NUP205: variants seen among roughly 807,000 people sequenced by gnomAD.
The protein encoded by NUP205 is nuclear pore complex protein Nup205.
NUP205 carries 76 observed loss-of-function variants against 253.8 expected under a neutral mutation model. That is an observed-to-expected ratio of 0.30 (90% CI 0.25 to 0.36). The LOEUF (loss-of-function observed/expected upper bound fraction) is 0.36. Among genes scored for constraint, NUP205 ranks in the 10% least tolerant of loss-of-function variants. The pLI is 1.00. For missense variants in NUP205, 2,162 were observed against 2,425.5 expected, an observed-to-expected ratio of 0.89 and a Z score of 2.28; for synonymous variants, 832 against 850.1, an observed-to-expected ratio of 0.98 and a Z score of 0.37.
intron 18 of NUP205, among the ~76,000 whole-genome samples, 196 bp from the exon 19 acceptor site, chr7:135,604,144 A>T (rs1475658440): frequency 6.6e-6 from 1 of 152,222 alleles, no homozygotes; most frequent in Non-Finnish European, 1.5e-5. Flanking sequence ...GCCAGACTTC[A>T]CATAAGGATT....
intron 1 of NUP205, among the ~76,000 whole-genome samples, chr7:135,570,046 T>TAGAGAGAG (rs1343013772): frequency 9.8e-6 from 1 of 102,386 alleles, no homozygotes; most frequent in African/African-American, 3.3e-5. Context: ...TATATATATA[T>TAGAGAGAG]ATATATAGAG....
chr7:135,620,996 C>T (rs1461499619), intron 30 of NUP205, among the ~76,000 whole-genome samples: 1 of 152,188 alleles, frequency 6.6e-6, no homozygotes, highest in Non-Finnish European at 1.5e-5. Flanking sequence ...ATTTGATGTT[C>T]AATCAAGTTA....
In NUP205 at chr7:135,625,361, G is replaced by A. The variant is rs764496470; in HGVS notation, c.4671+6G>A. On this transcript the variant is annotated splice_donor_region_variant and intron_variant, in intron 32 of 42. Transcript: ENST00000285968. ...ATACTTATGAATCTAAAATGGTAAGGCTTTCTAGACATTTGATGTTAGATC... is the reference window on the plus strand; with the variant it reads ...ATACTTATGAATCTAAAATGGTAAGACTTTCTAGACATTTGATGTTAGATC... The A allele has an allele frequency of 2.6e-6, 4 of 1,568,062 alleles. No individual in the cohort carries two copies. The East Asian group carries it at 9.1e-5, about 36-fold the overall frequency.
At chr7:135,565,232 G>T (rs780371518) in intron 1 of NUP205, among the ~76,000 whole-genome samples, 14 of 152,268 alleles carry the variant, frequency 9.2e-5, no homozygotes, top group Non-Finnish European at 1.8e-4. Context: ...AAATGAGGGA[G>T]AGAAAATTAA....
chr7:135,563,681 A>C lies in NUP205; in HGVS notation c.28+5709A>C, dbSNP rs186312097. 3.4e-3 allele frequency among the ~76,000 whole-genome samples: 518 copies of C among 152,188 alleles called. 5 individuals are homozygous for C. The highest frequency in any genetic ancestry group is 0.012 in the African/African-American group (487 of 41,480). On this transcript the variant is annotated intron_variant, in intron 1 of 42. Transcript: ENST00000285968. The stretch of plus-strand genomic sequence containing the variant: ...AATACATATTTAGTAATTTTGAAAA[A>C]TTTATAGTGTCCCTTCATTTGTAAT...
intron 1 of NUP205, among the ~76,000 whole-genome samples, chr7:135,558,931 A>C (rs1327581022): frequency 1.3e-5 from 2 of 152,186 alleles, no homozygotes; most frequent in Non-Finnish European, 1.5e-5. Context: ...TATTCTTGAA[A>C]AGTTGTCTAA....
At chr7:135,562,013 G>A (rs1805596752) in intron 1 of NUP205, among the ~76,000 whole-genome samples, 1 of 151,590 alleles carries the variant, frequency 6.6e-6, no homozygotes, top group Non-Finnish European at 1.5e-5. Context: ...CACCTCCCAA[G>A]TTTAAATGAT....
intron 22 of NUP205, among the ~76,000 whole-genome samples, chr7:135,612,677 G>A (rs979877393): frequency 5.3e-5 from 8 of 152,258 alleles, no homozygotes; most frequent in Middle Eastern, 3.4e-3. Context: ...CTGTTCTCCC[G>A]CGCATGAAGG....
intron 42 of NUP205, 35 bp from the exon 43 acceptor site, chr7:135,648,369 C>G (rs377440958): frequency 1.4e-4 from 203 of 1,494,258 alleles, no homozygotes; most frequent in Middle Eastern, 3.6e-4. Flanking sequence ...TTTGAGACAA[C>G]AATTTTAACA....
intron 41 of NUP205, chr7:135,645,805 C>T: frequency 3.4e-6 from 2 of 590,804 alleles, no homozygotes; most frequent in Non-Finnish European, 5.9e-6. Flanking sequence ...CTAGAGCCTG[C>T]TCATCAGCTG....
In NUP205 at chr7:135,647,508, G is replaced by A. The variant is rs4346944; in HGVS notation, c.5887-896G>A. On this transcript the variant is annotated intron_variant, in intron 42 of 42. Coordinates refer to ENST00000285968, the MANE Select transcript of NUP205 (RefSeq NM_015135.3). Reference sequence around the variant, plus strand: ...AAAATTAGCCAAAGAAGATTATTCAGAAGTTTGTTTGTTTGTTTGTTTTGT... The same window carrying A: ...AAAATTAGCCAAAGAAGATTATTCAAAAGTTTGTTTGTTTGTTTGTTTTGT... 2.0e-5 allele frequency among the ~76,000 whole-genome samples: 3 copies of A among 152,120 alleles called. No homozygotes were observed. In the East Asian group the frequency reaches 5.8e-4, roughly 29 times the overall value.
chr7:135,617,048 C>G (rs1191451451), intron 25 of NUP205, 42 bp from the exon 26 acceptor site: 1 of 1,467,192 alleles, frequency 6.8e-7, no homozygotes, highest in African/African-American at 1.4e-5. Flanking sequence ...CCTTTCTTTT[C>G]AATGTCCCAA....
intron 22 of NUP205, among the ~76,000 whole-genome samples, chr7:135,608,519 G>A (rs1794137753): frequency 6.6e-6 from 1 of 151,264 alleles, no homozygotes; most frequent in Admixed American, 6.6e-5. Context: ...ACCAGCCGGG[G>A]AAACATGGCA....
At chr7:135,572,130 A>G (rs1046569269) in intron 2 of NUP205, among the ~76,000 whole-genome samples, 2 of 152,064 alleles carry the variant, frequency 1.3e-5, no homozygotes, top group African/African-American at 4.8e-5. Context: ...AAGTGTTGGG[A>G]TTATAGACGT....
intron 31 of NUP205, 103 bp from the exon 32 acceptor site, chr7:135,625,061 A>G: frequency 1.0e-6 from 1 of 977,658 alleles, no homozygotes; most frequent in Non-Finnish European, 1.5e-6. Context: ...TCTTTATGAA[A>G]AACATTCTTC....
chr7:135,637,785 A>C lies in NUP205; in HGVS notation c.5137-146A>C, dbSNP rs145681219. 3 of 605,324 alleles carry C rather than the reference A, an allele frequency of 5.0e-6. No homozygotes were observed. The African/African-American group carries it at 5.8e-5, about 12-fold the overall frequency. The allele number at this position is 605,324 out of a possible 1,614,324, so 37.5% of individuals were successfully genotyped here. On this transcript the variant is annotated intron_variant, in intron 36 of 42. Transcript: ENST00000285968. ...CAAAAAGTTGAATTTTAATAATGCT[A>C]CTTTTAGTTGGCTCAGTTTTAAGTA...
intron 1 of NUP205, among the ~76,000 whole-genome samples, chr7:135,567,425 CAAAA>C (rs760535798): frequency 1.5e-5 from 1 of 65,022 alleles, no homozygotes; most frequent in Non-Finnish European, 2.8e-5. Flanking sequence ...CTGTCTATAC[CAAAA>C]AAAAAAAAAA....
At chr7:135,584,506 T>C (rs1431851152) in intron 7 of NUP205, among the ~76,000 whole-genome samples, 2 of 152,228 alleles carry the variant, frequency 1.3e-5, no homozygotes, top group Non-Finnish European at 2.9e-5. Context: ...CTTAACATCA[T>C]TTTAATATGT....
At chr7:135,576,818 G>C in intron 4 of NUP205, 151 bp from the exon 5 acceptor site, 1 of 666,922 alleles carries the variant, frequency 1.5e-6, no homozygotes, top group Non-Finnish European at 2.4e-6. Flanking sequence ...GGACGTCAAG[G>C]CTGCAGTGAG....
Sources: allele counts gnomAD v4.1 joint callset (sites outside exome capture counted in the v4.1 genomes callset), GRCh38; gene constraint gnomAD v4.1.1; transcripts MANE v1.5; gene names NCBI Gene and HGNC (gene_info 2026-07-23, HGNC 2026-07-21).